The following SLC35F4 variants were observed in gnomAD, a reference collection of about 807,000 sequenced individuals.
SLC35F4 encodes the protein chromosome 14 open reading frame 36.
SLC35F4 carries 24 observed loss-of-function variants against 44.2 expected under a neutral mutation model. The ratio of observed to expected loss-of-function variants is 0.54; its 90% CI spans 0.39 to 0.76. SLC35F4 has a LOEUF of 0.76. Among genes scored for constraint, SLC35F4 ranks in the 30% least tolerant of loss-of-function variants. The pLI is 0.00. For synonymous variants in SLC35F4, 238 were observed against 223.6 expected, an observed-to-expected ratio of 1.06 and a Z score of -0.57; for missense variants, 562 against 586.1, an observed-to-expected ratio of 0.96 and a Z score of 0.42.
chr14:57,905,097 C>CA (rs1285629893), intron 1 of SLC35F4, among the ~76,000 whole-genome samples: 1 of 152,216 alleles, frequency 6.6e-6, no homozygotes, highest in Non-Finnish European at 1.5e-5. Context: ...TTGAGCCTCT[C>CA]ATGAGTTGCA....
chr14:57,640,123 G>A (rs545518930), intron 1 of SLC35F4, among the ~76,000 whole-genome samples: 7 of 152,064 alleles, frequency 4.6e-5, no homozygotes, highest in Admixed American at 3.9e-4. Context: ...AGAGGGAAGA[G>A]AGGGTTAAAG....
intron 1 of SLC35F4, among the ~76,000 whole-genome samples, chr14:57,610,895 C>T (rs940493346): frequency 3.3e-5 from 5 of 152,188 alleles, no homozygotes; most frequent in African/African-American, 1.2e-4. Flanking sequence ...AGTAAGTGAA[C>T]AAACACATAA....
At chr14:57,784,289 T>C (rs1426567492) in intron 1 of SLC35F4, among the ~76,000 whole-genome samples, 4 of 152,206 alleles carry the variant, frequency 2.6e-5, no homozygotes, top group African/African-American at 9.6e-5. Flanking sequence ...GGGTCCCAAT[T>C]ATTCAAGACT....
In SLC35F4 at chr14:57,933,853, T is replaced by G. The variant is rs555350266; in HGVS notation, n.282+48060A>C. 1.1e-4 allele frequency among the ~76,000 whole-genome samples: 17 copies of G among 152,148 alleles called. No homozygotes were observed. The South Asian group carries it at 1.9e-3, about 17-fold the overall frequency. ...AGAAACAGCACCAATTATCTTTCAT[T>G]GAGTGCACCTGGAGCAAAAAAAAGT... On this transcript the variant is annotated intron_variant and non_coding_transcript_variant, in intron 1 of 1. Coordinates refer to the SLC35F4 transcript ENST00000556568.
At chr14:57,796,135 C>T (rs1410138133) in intron 1 of SLC35F4, among the ~76,000 whole-genome samples, 1 of 152,142 alleles carries the variant, frequency 6.6e-6, no homozygotes, top group African/African-American at 2.4e-5. Flanking sequence ...TTTCATTCTT[C>T]TATATGGCTG....
chr14:57,635,065 C>T (rs970100741), intron 1 of SLC35F4, among the ~76,000 whole-genome samples: 1 of 151,898 alleles, frequency 6.6e-6, no homozygotes, highest in African/African-American at 2.4e-5. Context: ...ACCTGGGCAT[C>T]ATAGTGAAAC....
intron 1 of SLC35F4, among the ~76,000 whole-genome samples, chr14:57,979,724 T>C (rs1881322688): frequency 6.6e-6 from 1 of 152,186 alleles, no homozygotes; most frequent in African/African-American, 2.4e-5. Flanking sequence ...TCCTCAGAAG[T>C]GTCTTCAGAA....
At chr14:57,614,281 A>G (rs997129362) in intron 1 of SLC35F4, among the ~76,000 whole-genome samples, 4 of 152,220 alleles carry the variant, frequency 2.6e-5, no homozygotes, top group African/African-American at 9.6e-5. Flanking sequence ...GATTTCATTT[A>G]AGGAGGAAGA....
intron 1 of SLC35F4, among the ~76,000 whole-genome samples, chr14:57,683,572 C>G (rs2074972954): frequency 6.6e-6 from 1 of 152,178 alleles, no homozygotes; most frequent in South Asian, 2.1e-4. Context: ...AGCATCAACT[C>G]CCAGTTGAAA....
chr14:57,858,933 TAAAA>T (rs112008222), intron 1 of SLC35F4, among the ~76,000 whole-genome samples: 1 of 118,418 alleles, frequency 8.4e-6, no homozygotes, highest in Admixed American at 8.5e-5. Context: ...ACCTGATCTC[TAAAA>T]AAAAAAAAAA....
intron 1 of SLC35F4, among the ~76,000 whole-genome samples, chr14:57,906,711 G>A (rs1462376729): frequency 3.3e-5 from 5 of 152,130 alleles, no homozygotes; most frequent in Non-Finnish European, 5.9e-5. Flanking sequence ...GCTAACATCC[G>A]AGCAAACTCA....
Position 57,569,888 on chromosome 14 carries a change from G to T in SLC35F4, c.1026C>A (p.Ser342=), listed in dbSNP as rs759596313. 1.2e-6 allele frequency: 2 copies of T among 1,612,466 alleles called. No homozygotes were observed. Among genetic ancestry groups the T allele is most frequent in the African/African-American group, 2.7e-5 (2 of 74,912 alleles). ...TLGFFNLIFI[S]FTPVILYFTK... ...TGAAATACAAGATGACTGGGGTGAA[G>T]GAGATGAAGATCAAATTGAAGAAAC... Residue 342 remains serine (S), a synonymous_variant, in exon 6 of 8, where the codon TCC becomes TCA. Transcript: ENST00000556826.
At chr14:57,813,968 G>A (rs925967128) in intron 1 of SLC35F4, among the ~76,000 whole-genome samples, 13 of 152,312 alleles carry the variant, frequency 8.5e-5, no homozygotes, top group South Asian at 4.1e-4. Context: ...TAGCATTAGC[G>A]GTGGGAATTA....
intron 1 of SLC35F4, among the ~76,000 whole-genome samples, chr14:57,701,050 T>C (rs961485981): frequency 6.6e-6 from 1 of 152,200 alleles, no homozygotes; most frequent in Non-Finnish European, 1.5e-5. Flanking sequence ...TTGCCCAGGT[T>C]GGTCTCAAAC....
intron 1 of SLC35F4, among the ~76,000 whole-genome samples, chr14:57,922,986 C>T (rs1594627040): frequency 6.6e-6 from 1 of 152,308 alleles, no homozygotes; most frequent in East Asian, 1.9e-4. Context: ...TACTAAGAGG[C>T]AAAAGCCTTA....
intron 1 of SLC35F4, among the ~76,000 whole-genome samples, chr14:57,874,697 A>T (rs1888362668): frequency 6.6e-6 from 1 of 152,112 alleles, no homozygotes; most frequent in Non-Finnish European, 1.5e-5. Context: ...CCTTATGTGC[A>T]ATCAAATCAA....
At position 57,674,962 on chromosome 14, in the gene SLC35F4, A is replaced by C. The variant is rs551052269; in HGVS notation, c.104-80838T>G. 3.9e-5 allele frequency among the ~76,000 whole-genome samples: 6 copies of C among 152,266 alleles called. 1 individual carries two copies. Among genetic ancestry groups the C allele is most frequent in the South Asian group, 2.1e-4 (1 of 4,830 alleles). On this transcript the variant is annotated intron_variant, in intron 1 of 7. Coordinates refer to ENST00000556826, the MANE Select transcript of SLC35F4 (RefSeq NM_001306087.2). ...CTAGCTAATCAACATTTTTGAAAAGAGTCTGGAACAAAGGCTGTAAGTGTC... is the reference window on the plus strand; with the variant it reads ...CTAGCTAATCAACATTTTTGAAAAGCGTCTGGAACAAAGGCTGTAAGTGTC...
chr14:57,880,110 A>G (rs1056086972), intron 1 of SLC35F4, among the ~76,000 whole-genome samples: 1 of 145,624 alleles, frequency 6.9e-6, no homozygotes, highest in Non-Finnish European at 1.5e-5. Flanking sequence ...GGAAGGAAGG[A>G]CAGTAGATCT....
intron 1 of SLC35F4, among the ~76,000 whole-genome samples, chr14:57,648,947 C>T (rs1453599605): frequency 6.6e-6 from 1 of 152,202 alleles, no homozygotes; most frequent in African/African-American, 2.4e-5. Context: ...ACTCACTCTG[C>T]TTCAGTTACC....
Sources: allele counts gnomAD v4.1 joint callset (sites outside exome capture counted in the v4.1 genomes callset), GRCh38; gene constraint gnomAD v4.1.1; transcripts MANE v1.5; gene names NCBI Gene and HGNC (gene_info 2026-07-23, HGNC 2026-07-21).